GNB5: variants seen among roughly 807,000 people sequenced by gnomAD.
GNB5 encodes G protein subunit beta 5, also known as guanine nucleotide-binding protein subunit beta-5.
GNB5 carries 37 observed loss-of-function variants against 55.3 expected under a neutral mutation model. The ratio of observed to expected loss-of-function variants is 0.67; its 90% CI spans 0.51 to 0.88. The LOEUF (loss-of-function observed/expected upper bound fraction) is 0.88, where lower values mean the gene tolerates loss of function less well. Among genes scored for constraint, GNB5 ranks in the 40% least tolerant of loss-of-function variants. The pLI, the probability that GNB5 is intolerant of heterozygous loss-of-function variation, is 0.00. For missense variants in GNB5, 476 were observed against 515.3 expected (o/e 0.92, Z 0.74); for synonymous variants, 219 against 198.5 (o/e 1.10, Z -0.87).
In GNB5 at chr15:52,179,859, G is replaced by T. The variant is rs1277195434; in HGVS notation, c.147C>A (p.His49Gln). The change falls in exon 3 of 13, where the codon CAC becomes CAA. Residue 49 changes from histidine (H) to glutamine (Q), a missense_variant. His to Gln is a conservative substitution (Grantham distance 24). Transcript: ENST00000261837. Reference sequence around the variant, plus strand: ...TCAGCGACGCCAGCGTCTCGTTCTCGTGCAGCCCCTCGGTTGCCATCTTCG... The same window carrying T: ...TCAGCGACGCCAGCGTCTCGTTCTCTTGCAGCCCCTCGGTTGCCATCTTCG... ...CAEIMATEGL[H>Q]ENETLASLKS... 1.9e-6 allele frequency: 3 copies of T among 1,549,348 alleles called. No individual in the cohort carries two copies. The highest frequency in any genetic ancestry group is 2.6e-6 in the Non-Finnish European group (3 of 1,149,086).
intron 3 of GNB5, among the ~76,000 whole-genome samples, chr15:52,162,163 G>T (rs979218879): frequency 5.3e-5 from 8 of 152,274 alleles, no homozygotes; most frequent in African/African-American, 1.4e-4. Context: ...ACAAATTAAA[G>T]GTGAATGCAT....
At chr15:52,166,365 C>G (rs1044431634) in intron 3 of GNB5, among the ~76,000 whole-genome samples, 1 of 152,156 alleles carries the variant, frequency 6.6e-6, no homozygotes, top group Non-Finnish European at 1.5e-5. Context: ...ACAGAATTCT[C>G]CATCCAAAAA....
chr15:52,186,230 C>T (rs1000741298), intron 1 of GNB5, among the ~76,000 whole-genome samples: 1 of 152,214 alleles, frequency 6.6e-6, no homozygotes, highest in African/African-American at 2.4e-5. Flanking sequence ...GAATTCCTAA[C>T]AACTTTGTAT....
intron 3 of GNB5, among the ~76,000 whole-genome samples, chr15:52,160,885 T>G (rs1054379243): frequency 6.6e-6 from 1 of 152,208 alleles, no homozygotes; most frequent in African/African-American, 2.4e-5. Flanking sequence ...GGTGGACACT[T>G]ACTTTGTCCC....
chr15:52,154,355 AACAAGACCACCTC>A, intron 3 of GNB5, among the ~76,000 whole-genome samples: 1 of 152,342 alleles, frequency 6.6e-6, no homozygotes, highest in African/African-American at 2.4e-5. Context: ...AGGGATTAAC[AACAAGACCACCTC>A]ATATTCATAA....
At chr15:52,128,564 G>A in intron 9 of GNB5, 2 of 574,100 alleles carry the variant, frequency 3.5e-6, no homozygotes, top group South Asian at 1.5e-5. Context: ...AGAGCTCAGG[G>A]ATAAGAAAGT....
intron 2 of GNB5, chr15:52,180,907 G>C (rs567890293): frequency 6.6e-6 from 1 of 152,444 alleles, no homozygotes; most frequent in Non-Finnish European, 1.5e-5. Flanking sequence ...TAATTGCTCA[G>C]GGGGCATGCT....
intron 4 of GNB5, among the ~76,000 whole-genome samples, chr15:52,151,405 C>T (rs1404314724): frequency 6.6e-6 from 1 of 152,174 alleles, no homozygotes; most frequent in Non-Finnish European, 1.5e-5. Context: ...TAAGTGTGGT[C>T]TCCTCGGTGA....
Position 52,133,453 on chromosome 15 carries a change from G to C in GNB5, c.788C>G (p.Ala263Gly), listed in dbSNP as rs760085675. 1 of 1,611,462 alleles carries C rather than the reference G, an allele frequency of 6.2e-7. No individual in the cohort carries two copies. Among genetic ancestry groups the C allele is most frequent in the Admixed American group, 1.7e-5 (1 of 60,018 alleles). The change falls in exon 9 of 13, where the codon GCC becomes GGC. Residue 263 changes from alanine to glycine, a missense_variant. Physicochemically the swap from Ala to Gly is moderately conservative, Grantham distance 60 (BLOSUM62 0). Transcript: ENST00000261837. ...TFVSGGCDKKAMVWDMRSGQC... is the reference protein window; with the variant it reads ...TFVSGGCDKKGMVWDMRSGQC... ...GCCGGAGCGCATGTCCCACACCATG[G>C]CTTTCTTGTCACATCCCTACAAATG...
chr15:52,171,829 A>T (rs1267740943), intron 3 of GNB5, among the ~76,000 whole-genome samples: 1 of 152,258 alleles, frequency 6.6e-6, no homozygotes, highest in Non-Finnish European at 1.5e-5. Flanking sequence ...AAAAAATTAC[A>T]TTTAGAATAG....
At chr15:52,171,043 ATGAT>A in intron 3 of GNB5, among the ~76,000 whole-genome samples, 1 of 148,966 alleles carries the variant, frequency 6.7e-6, no homozygotes, top group Admixed American at 6.8e-5. Flanking sequence ...GCAGTGAGCC[ATGAT>A]CACGCTACTG....
At chr15:52,180,093 C>G (rs887437867) in intron 2 of GNB5, 30 of 418,042 alleles carry the variant, frequency 7.2e-5, no homozygotes, top group South Asian at 2.1e-4. Context: ...GTGCGATGTC[C>G]GCGTCAGCCT....
rs2034048740 is a variant in GNB5 at position 52,149,635 on chromosome 15, T to C, written c.417+249A>G. The C allele has an allele frequency of 5.0e-6, 3 of 594,596 alleles. No individual in the cohort carries two copies. In the South Asian group the frequency reaches 6.2e-5, roughly 12 times the overall value. The allele number at this position is 594,596 out of a possible 1,614,324, so 36.8% of individuals were successfully genotyped here. ...GTTTTCCATGCTTTGCCCATTTCCA[T>C]GTTGGTATTGGCAGCCCCTATGGTG... is the stretch of plus-strand genomic sequence containing the variant. On this transcript the variant is annotated intron_variant, in intron 5 of 12. Transcript: ENST00000261837.
At chr15:52,184,305 A>T (rs1396462074) in intron 2 of GNB5, among the ~76,000 whole-genome samples, 1 of 152,224 alleles carries the variant, frequency 6.6e-6, no homozygotes, top group Non-Finnish European at 1.5e-5. Flanking sequence ...TGGGAAAAAC[A>T]GGCTTCAGGA....
chr15:52,190,262 C>T (rs1262402562), intron 1 of GNB5, among the ~76,000 whole-genome samples: 2 of 151,792 alleles, frequency 1.3e-5, no homozygotes, highest in Non-Finnish European at 2.9e-5. Flanking sequence ...GGAATACAGG[C>T]GCCCGCCACC....
intron 5 of GNB5, among the ~76,000 whole-genome samples, chr15:52,147,858 C>T (rs1446964052): frequency 2.0e-5 from 3 of 152,104 alleles, no homozygotes; most frequent in African/African-American, 7.2e-5. Context: ...GCTGGGATTA[C>T]GGGTGTGAGC....
intron 6 of GNB5, chr15:52,143,804 C>G (rs906231726): frequency 6.6e-6 from 1 of 152,220 alleles, no homozygotes; most frequent in African/African-American, 2.4e-5. Context: ...ACTAGAAACT[C>G]AAATGAATCA....
chr15:52,118,552 G>A lies in GNB5; in HGVS notation c.*4205C>T, dbSNP rs947136486. On this transcript the variant is annotated 3_prime_UTR_variant, in exon 13 of 13. Transcript: ENST00000261837. ...GATAGATACAATCCACAATGAGCAAGTTATTTGGGGTCCTCAATAACTTTT... is the reference window on the plus strand; with the variant it reads ...GATAGATACAATCCACAATGAGCAAATTATTTGGGGTCCTCAATAACTTTT... The A allele has an allele frequency of 6.6e-6, 1 of 152,108 alleles. No individual in the cohort carries two copies. Among genetic ancestry groups the A allele is most frequent in the Non-Finnish European group, 1.5e-5 (1 of 68,036 alleles). The allele number at this position is 152,108 out of a possible 1,614,324, so 9.4% of individuals were successfully genotyped here.
At chr15:52,149,804 G>T in intron 5 of GNB5, 80 bp downstream of exon 5, 1 of 1,015,598 alleles carries the variant, frequency 9.8e-7, no homozygotes, top group Non-Finnish European at 1.6e-6. Flanking sequence ...TCAGGACAGG[G>T]CCGGGCAGCT....
Sources: gnomAD v4.1 joint callset for allele counts (sites outside exome capture counted in the v4.1 genomes callset) on GRCh38, gnomAD v4.1.1 for gene constraint, MANE v1.5 for transcripts, NCBI Gene and HGNC (gene_info 2026-07-23, HGNC 2026-07-21) for gene names.